The following NAV3 variants were observed in gnomAD, a reference collection of about 807,000 sequenced individuals.
NAV3 encodes the protein pore membrane and/or filament interacting like protein 1.
In NAV3, 87 loss-of-function variants were observed where a neutral mutation model predicts 244.7. The observed-to-expected ratio is 0.36, with a 90% CI of 0.30 to 0.42. The LOEUF is 0.42. Among genes scored for constraint, NAV3 ranks in the 20% least tolerant of loss-of-function variants. The pLI, the probability that NAV3 is intolerant of heterozygous loss-of-function variation, is 1.00. For missense variants in NAV3, 2,663 were observed against 2,893.3 expected, an observed-to-expected ratio of 0.92 and a Z score of 1.83; for synonymous variants, 1,126 against 1,042.2, an observed-to-expected ratio of 1.08 and a Z score of -1.55.
rs191012959 is a variant in NAV3, at chr12:78,057,060, G to T, written c.2517-1936G>T. Reference sequence around the variant, plus strand: ...TTTTTGAATTTACTTTAAACACTGGGGGATATGAATCTGTCAGTAATTAGG... The same window carrying T: ...TTTTTGAATTTACTTTAAACACTGGTGGATATGAATCTGTCAGTAATTAGG... On this transcript the variant is annotated intron_variant, in intron 11 of 39. Transcript: ENST00000397909. Among the ~76,000 whole-genome samples the T allele has an allele frequency of 2.0e-5, 3 of 152,200 alleles. No homozygotes were observed. The East Asian group carries it at 5.8e-4, about 29-fold the overall frequency.
At chr12:77,593,766 G>A (rs943606249) in intron 2 of NAV3, among the ~76,000 whole-genome samples, 6 of 151,514 alleles carry the variant, frequency 4.0e-5, no homozygotes, top group African/African-American at 1.2e-4. Flanking sequence ...GAGCCACCAC[G>A]CCCAGCCTCT....
chr12:78,068,406 GT>G (rs547632721), intron 12 of NAV3, among the ~76,000 whole-genome samples: 2 of 150,588 alleles, frequency 1.3e-5, no homozygotes, highest in Non-Finnish European at 3.0e-5. Flanking sequence ...ACTATAAATA[GT>G]TTTTTTAAAA....
chr12:77,666,179 G>GTTTTTTTTTT (rs35767149), intron 2 of NAV3, among the ~76,000 whole-genome samples: 4 of 119,190 alleles, frequency 3.4e-5, no homozygotes, highest in African/African-American at 6.4e-5. Flanking sequence ...CATGTTTACA[G>GTTTTTTTTTT]TTTTTTTTTT....
intron 12 of NAV3, among the ~76,000 whole-genome samples, chr12:78,114,627 C>T (rs575013352): frequency 5.9e-5 from 9 of 152,128 alleles, no homozygotes; most frequent in Non-Finnish European, 1.2e-4. Flanking sequence ...GATTCCATTA[C>T]CTCCCAACGG....
chr12:77,900,355 C>T (rs1236528084), intron 1 of NAV3, among the ~76,000 whole-genome samples: 2 of 152,198 alleles, frequency 1.3e-5, no homozygotes, highest in Non-Finnish European at 2.9e-5. Context: ...GGATTACTGG[C>T]ATGAGCTACC....
chr12:78,156,882 C>G (rs1009128044), intron 22 of NAV3, among the ~76,000 whole-genome samples: 2 of 151,936 alleles, frequency 1.3e-5, no homozygotes, highest in African/African-American at 4.8e-5. Flanking sequence ...CTAACTTATG[C>G]TACATACCAC....
chr12:77,634,647 T>C (rs1226790343), intron 2 of NAV3, among the ~76,000 whole-genome samples: 1 of 152,184 alleles, frequency 6.6e-6, no homozygotes, highest in African/African-American at 2.4e-5. Context: ...TGTCGCCTAT[T>C]TCCATTTTGA....
At position 77,628,263 on chromosome 12, in the gene NAV3, A is replaced by G. The variant is rs79444610; in HGVS notation, c.72+55997A>G. Among the ~76,000 whole-genome samples the G allele has an allele frequency of 3.7e-3, 556 of 152,324 alleles. 6 individuals are homozygous for G. Among genetic ancestry groups the G allele is most frequent in the East Asian group, 0.035 (181 of 5,180 alleles). ...GGTATTAAAATATCACATGTACTCC[A>G]TAAATATGTACAATTATTATGTATC... On this transcript the variant is annotated intron_variant, in intron 2 of 8. Transcript: ENST00000550042.
intron 2 of NAV3, among the ~76,000 whole-genome samples, chr12:77,750,724 G>A (rs1353887807): frequency 6.6e-6 from 1 of 152,104 alleles, no homozygotes; most frequent in Non-Finnish European, 1.5e-5. Flanking sequence ...AGTGACAAGT[G>A]ATACAATAGC....
At chr12:77,875,677 T>C (rs1881747541) in intron 1 of NAV3, among the ~76,000 whole-genome samples, 1 of 152,128 alleles carries the variant, frequency 6.6e-6, no homozygotes, top group Non-Finnish European at 1.5e-5. Context: ...CCTGCTCATA[T>C]GATTTATATA....
At chr12:78,027,121 G>A (rs942460102) in intron 9 of NAV3, among the ~76,000 whole-genome samples, 1 of 152,144 alleles carries the variant, frequency 6.6e-6, no homozygotes, top group Non-Finnish European at 1.5e-5. Context: ...GTTGAGCTGG[G>A]ATTTTAAGAC....
intron 1 of NAV3, among the ~76,000 whole-genome samples, chr12:77,836,814 C>T (rs972686354): frequency 9.9e-5 from 15 of 152,054 alleles, no homozygotes; most frequent in Non-Finnish European, 1.3e-4. Flanking sequence ...AGATTACATC[C>T]GCTTGGGGCA....
At chr12:78,052,612 T>C (rs1423198371) in intron 11 of NAV3, among the ~76,000 whole-genome samples, 3 of 152,208 alleles carry the variant, frequency 2.0e-5, no homozygotes, top group African/African-American at 7.2e-5. Flanking sequence ...TTACATTTAT[T>C]ATCATTAATA....
intron 12 of NAV3, among the ~76,000 whole-genome samples, chr12:78,096,264 G>A (rs1341560346): frequency 6.6e-6 from 1 of 152,094 alleles, no homozygotes; most frequent in Non-Finnish European, 1.5e-5. Flanking sequence ...CATAACCTAT[G>A]CTACAAACTG....
chr12:78,019,167 C>T (rs548437702), intron 8 of NAV3, among the ~76,000 whole-genome samples: 55 of 152,186 alleles, frequency 3.6e-4, no homozygotes, highest in African/African-American at 1.3e-3. Flanking sequence ...CAAACAAGTT[C>T]AGAGAGGTGA....
chr12:77,857,725 G>A (rs879538181), intron 1 of NAV3, among the ~76,000 whole-genome samples: 24 of 151,630 alleles, frequency 1.6e-4, no homozygotes, highest in Non-Finnish European at 1.8e-4. Context: ...TAATATTCTT[G>A]TAAAAAACTA....
intron 12 of NAV3, among the ~76,000 whole-genome samples, chr12:78,067,453 T>G (rs1291982723): frequency 6.6e-6 from 1 of 152,086 alleles, no homozygotes; most frequent in Non-Finnish European, 1.5e-5. Context: ...GCCATTCTGC[T>G]CATGATTGCA....
chr12:77,686,430 T>TC (rs1874754066), intron 2 of NAV3, among the ~76,000 whole-genome samples: 10 of 97,960 alleles, frequency 1.0e-4, no homozygotes, highest in African/African-American at 2.9e-4. Context: ...CTTTCTTTTT[T>TC]TTTTTTTTTT....
chr12:77,887,789 C>T (rs1382786224), intron 1 of NAV3, among the ~76,000 whole-genome samples: 1 of 152,094 alleles, frequency 6.6e-6, no homozygotes, highest in Non-Finnish European at 1.5e-5. Flanking sequence ...AACTAAACCT[C>T]ATTTCATCCA....
Sources: gnomAD v4.1 joint callset for allele counts (sites outside exome capture counted in the v4.1 genomes callset) on GRCh38, gnomAD v4.1.1 for gene constraint, MANE v1.5 for transcripts, NCBI Gene and HGNC (gene_info 2026-07-23, HGNC 2026-07-21) for gene names.